Variants in ZNF613 observed in about 807,000 individuals in gnomAD.
The protein encoded by ZNF613 is zinc finger protein 613.
In ZNF613, 8 loss-of-function variants were observed where a neutral mutation model predicts 14.3. That is an observed-to-expected ratio of 0.56 (90% CI 0.33 to 1.01). ZNF613 has a LOEUF of 1.01. Among genes scored for constraint, ZNF613 ranks in the 50% least tolerant of loss-of-function variants. The probability of loss-of-function intolerance (pLI) is 0.03; values close to 1 mark genes in which losing one functional copy is unlikely to be tolerated. For missense variants in ZNF613, 656 were observed against 741.9 expected (o/e 0.88, Z 1.35); for synonymous variants, 228 against 254.5 (o/e 0.90, Z 0.99).
rs1054974509 is a variant in ZNF613, at chr19:51,946,452, T to A, written c.*715T>A. On this transcript the variant is annotated 3_prime_UTR_variant, in exon 6 of 6. Transcript: ENST00000293471. ...TTCCCAACCAAGATCATTATATGAT[T>A]AGCTCTTGTGTTTCTTTGATTCCAA... The A allele has an allele frequency of 3.3e-5, 5 of 152,258 alleles. No individual in the cohort carries two copies. The highest frequency in any genetic ancestry group is 2.6e-4 in the Admixed American group (4 of 15,284). The allele number at this position is 152,258 out of a possible 1,614,324, so 9.4% of individuals were successfully genotyped here.
chr19:51,933,612 CA>C (rs979056829), intron 2 of ZNF613, among the ~76,000 whole-genome samples: 4 of 151,896 alleles, frequency 2.6e-5, no homozygotes, highest in Admixed American at 6.6e-5. Context: ...CTCAGCTAAA[CA>C]AAATTATTTG....
chr19:51,928,572 G>A (rs1186947350), intron 1 of ZNF613, among the ~76,000 whole-genome samples: 1 of 152,152 alleles, frequency 6.6e-6, no homozygotes. Context: ...AATCTAAAAT[G>A]GTAAGGTGGC....
Position 51,945,927 on chromosome 19 carries a change from A to G in ZNF613, c.*190A>G. On this transcript the variant is annotated 3_prime_UTR_variant, in exon 6 of 6. Coordinates refer to ENST00000293471, the MANE Select transcript of ZNF613 (RefSeq NM_001031721.4). ...GACTGGGAAATTCTTTTATGGGAAG[A>G]TAGATCTTCTCATCAGTGACCATAG... The G allele has an allele frequency of 1.6e-6, 1 of 615,236 alleles. No homozygotes were observed. The highest frequency in any genetic ancestry group is 2.8e-6 in the Non-Finnish European group (1 of 354,286). 38.1% of individuals were successfully genotyped at this position (615,236 alleles called of 1,614,324 possible).
Position 51,945,862 on chromosome 19 carries a change from C to CCTG in ZNF613, c.*125_*126insCTG. 1 of 1,028,770 alleles carries CCTG rather than the reference C, an allele frequency of 9.7e-7. No individual in the cohort carries two copies. 63.7% of individuals were successfully genotyped at this position (1,028,770 alleles called of 1,614,324 possible). ...AAAGCCCTTGAATAAAACCTTATGG[C>CCTG]TAATAAGCATATACTCAGAGAAAAA... On this transcript the variant is annotated 3_prime_UTR_variant, in exon 6 of 6. Coordinates refer to ENST00000293471, the MANE Select transcript of ZNF613 (RefSeq NM_001031721.4).
intron 3 of ZNF613, 41 bp downstream of exon 3, chr19:51,936,276 T>C (rs1375882702): frequency 1.9e-6 from 3 of 1,588,134 alleles, no homozygotes; most frequent in African/African-American, 2.7e-5. Context: ...CATCACATGA[T>C]TGATTTCTGG....
intron 3 of ZNF613, among the ~76,000 whole-genome samples, chr19:51,937,854 C>T (rs972577795): frequency 4.6e-5 from 7 of 151,498 alleles, no homozygotes; most frequent in Middle Eastern, 6.3e-3. Flanking sequence ...CTCAGCCTCC[C>T]GAGTAGCTGA....
chr19:51,930,075 A>G (rs1442383116), intron 2 of ZNF613, among the ~76,000 whole-genome samples, 179 bp downstream of exon 2: 1 of 152,146 alleles, frequency 6.6e-6, no homozygotes, highest in East Asian at 1.9e-4. Context: ...ATCACTTAAA[A>G]AGAAACCCTG....
Position 51,945,575 on chromosome 19 carries a change from G to A in ZNF613, c.1692G>A (p.Gln564=), listed in dbSNP as rs1400425531. Reference sequence around the variant, plus strand: ...TATCACATACACGTGATCTCATACAGGATAAAGACTCTGTTAACATGGTGA... The same window carrying A: ...TATCACATACACGTGATCTCATACAAGATAAAGACTCTGTTAACATGGTGA... The part of the protein sequence containing the change: ...HSLSHTRDLI[Q]DKDSVNMVTL... Residue 564 remains glutamine (Q), a synonymous_variant, in exon 6 of 6, where the codon CAG becomes CAA. Transcript: ENST00000293471. 1 of 1,614,110 alleles carries A rather than the reference G, an allele frequency of 6.2e-7. No homozygotes were observed. The highest frequency in any genetic ancestry group is 8.5e-7 in the Non-Finnish European group (1 of 1,180,012).
At position 51,944,102 on chromosome 19, in the gene ZNF613, G is replaced by T; in HGVS notation, c.236-17G>T. On this transcript the variant is annotated splice_polypyrimidine_tract_variant and intron_variant, in intron 5 of 5. Coordinates refer to ENST00000293471, the MANE Select transcript of ZNF613 (RefSeq NM_001031721.4). ...TTCCATGCTCATGGAAAGATTTATT[G>T]TTCTCTTCTTTCCTAGAAATCAAGA... is the stretch of plus-strand genomic sequence containing the variant. 1 of 1,514,810 alleles carries T rather than the reference G, an allele frequency of 6.6e-7. No individual in the cohort carries two copies. The highest frequency in any genetic ancestry group is 1.4e-5 in the South Asian group (1 of 73,464). The allele number at this position is 1,514,810 out of a possible 1,614,324, so 93.8% of individuals were successfully genotyped here.
In ZNF613 at chr19:51,945,561, C is replaced by G; in HGVS notation, c.1678C>G (p.Arg560Gly). Residue 560 changes from arginine to glycine, a missense_variant, in exon 6 of 6, where the codon CGT becomes GGT. Arg to Gly is a moderately radical substitution (Grantham distance 125). Coordinates refer to ENST00000293471, the MANE Select transcript of ZNF613 (RefSeq NM_001031721.4). ...CSESHSLSHT[R>G]DLIQDKDSVN... ...AGAGAGTCATAGCTTATCACATACA[C>G]GTGATCTCATACAGGATAAAGACTC... The G allele has an allele frequency of 5.6e-6, 9 of 1,614,108 alleles. No homozygotes were observed. Among genetic ancestry groups the G allele is most frequent in the Non-Finnish European group, 7.6e-6 (9 of 1,179,990 alleles).
chr19:51,931,595 G>T (rs1194677327), intron 2 of ZNF613, among the ~76,000 whole-genome samples: 1 of 152,090 alleles, frequency 6.6e-6, no homozygotes, highest in Non-Finnish European at 1.5e-5. Flanking sequence ...TAGTTTCATA[G>T]AACTTTTTTT....
At position 51,945,648 on chromosome 19, in the gene ZNF613, G is replaced by C; in HGVS notation, c.1765G>C (p.Ala589Pro). 1 of 1,614,176 alleles carries C rather than the reference G, an allele frequency of 6.2e-7. No individual in the cohort carries two copies. The highest frequency in any genetic ancestry group is 8.5e-7 in the Non-Finnish European group (1 of 1,180,034). ...VAAQTSLTNS[A>P]FQAESKVAIV... ...AGCTCAGACCTCATTAACTAACAGT[G>C]CGTTCCAAGCAGAGAGCAAAGTAGC... Residue 589 changes from alanine to proline, a missense_variant, in exon 6 of 6, where the codon GCG becomes CCG. Transcript: ENST00000293471.
chr19:51,945,267 G>A lies in ZNF613; in HGVS notation c.1384G>A (p.Gly462Arg). The A allele has an allele frequency of 6.2e-7, 1 of 1,614,030 alleles. No homozygotes were observed. Among genetic ancestry groups the A allele is most frequent in the Non-Finnish European group, 8.5e-7 (1 of 1,180,010 alleles). Residue 462 changes from glycine to arginine, a missense_variant, in exon 6 of 6, where the codon GGA (glycine) becomes AGA (arginine). Gly to Arg is a moderately radical substitution (Grantham distance 125). Coordinates refer to ENST00000293471, the MANE Select transcript of ZNF613 (RefSeq NM_001031721.4). Reference protein sequence around the residue: ...GKTPFVCTECGKSCSHKSGLI... With the variant: ...GKTPFVCTECRKSCSHKSGLI... Reference sequence around the variant, plus strand: ...GACACCCTTTGTATGTACTGAGTGTGGAAAATCCTGCTCACACAAGTCAGG... The same window carrying A: ...GACACCCTTTGTATGTACTGAGTGTAGAAAATCCTGCTCACACAAGTCAGG...
intron 5 of ZNF613, among the ~76,000 whole-genome samples, chr19:51,942,259 C>T (rs2085355644): frequency 6.6e-6 from 1 of 152,222 alleles, no homozygotes; most frequent in Non-Finnish European, 1.5e-5. Flanking sequence ...TAGACTATTA[C>T]ATATGGGCCC....
At position 51,944,602 on chromosome 19, in the gene ZNF613, CCTT is replaced by C. The variant is rs753619984; in HGVS notation, c.722_724del (p.Phe241del). 6.2e-7 allele frequency: 1 copy of C among 1,614,140 alleles called. No individual in the cohort carries two copies. The highest frequency in any genetic ancestry group is 1.7e-5 in the Admixed American group (1 of 60,016). ...CATGGATGCAGTATATGTGGGAAAG[CCTT>C]CTCCAGAAAGTCCGGGCTCACTGAA... On this transcript the variant is annotated inframe_deletion, in exon 6 of 6. Coordinates refer to ENST00000293471, the MANE Select transcript of ZNF613 (RefSeq NM_001031721.4).
chr19:51,936,504 T>G lies in ZNF613; in HGVS notation c.15+269T>G, dbSNP rs575673996. On this transcript the variant is annotated intron_variant, in intron 3 of 5. Coordinates refer to ENST00000293471, the MANE Select transcript of ZNF613 (RefSeq NM_001031721.4). Reference sequence around the variant, plus strand: ...CTGAATGATAAGGGTCTTTTTTTTGTTTGAGACAGGGTCTCACTTTGTCAC... The same window carrying G: ...CTGAATGATAAGGGTCTTTTTTTTGGTTGAGACAGGGTCTCACTTTGTCAC... Among the ~76,000 whole-genome samples the G allele has an allele frequency of 2.2e-4, 34 of 152,310 alleles. No homozygotes were observed. In the South Asian group the frequency reaches 5.8e-3, roughly 26 times the overall value.
At position 51,934,935 on chromosome 19, in the gene ZNF613, C is replaced by T. The variant is rs192587954; in HGVS notation, c.-193-1093C>T. On this transcript the variant is annotated intron_variant, in intron 2 of 5. Transcript: ENST00000293471. ...TTCTAAGAAGAAAAGTGTGAAACAT[C>T]TCTTGCCACAATTACGTGCTTCTGA... 2.6e-4 allele frequency among the ~76,000 whole-genome samples: 39 copies of T among 152,302 alleles called. 1 individual carries two copies. The highest frequency in any genetic ancestry group is 2.6e-3 in the Admixed American group (39 of 15,286).
Position 51,940,857 on chromosome 19 carries a change from C to T in ZNF613, c.235+148C>T, listed in dbSNP as rs8108311. ...CCCCACACAAAAGCTCTTTCTCCTT[C>T]GGGTATTTAGAGGAACATCTGCTTC... On this transcript the variant is annotated intron_variant, in intron 5 of 5. Transcript: ENST00000293471. The T allele has an allele frequency of 7.2e-3, 3,195 of 441,170 alleles. 91 individuals carry two copies. The highest frequency in any genetic ancestry group is 0.058 in the African/African-American group (2,852 of 49,122). 27.3% of individuals were successfully genotyped at this position (441,170 alleles called of 1,614,324 possible). A position where few individuals can be genotyped will look rare whatever the true frequency, so the allele number is the denominator to read the frequency against.
chr19:51,937,135 T>C (rs537722276), intron 3 of ZNF613, among the ~76,000 whole-genome samples: 1 of 152,268 alleles, frequency 6.6e-6, no homozygotes, highest in South Asian at 2.1e-4. Context: ...TATTCCTGGG[T>C]TGTAAATAAA....
Sources: allele counts gnomAD v4.1 joint callset (sites outside exome capture counted in the v4.1 genomes callset), GRCh38; gene constraint gnomAD v4.1.1; transcripts MANE v1.5; gene names NCBI Gene and HGNC (gene_info 2026-07-23, HGNC 2026-07-21).